IFT43: variants seen among roughly 807,000 people sequenced by gnomAD.
IFT43 encodes intraflagellar transport protein 43 homolog.
In IFT43, 33 loss-of-function variants were observed where a neutral mutation model predicts 32.3. The ratio of observed to expected loss-of-function variants is 1.02; its 90% confidence interval spans 0.77 to 1.37. The LOEUF is 1.37. Ranked by LOEUF, IFT43 falls within the 40% of genes most tolerant of loss-of-function variation. The probability of loss-of-function intolerance (pLI) is 0.00; values close to 1 mark genes in which losing one functional copy is unlikely to be tolerated. For synonymous variants in IFT43, 93 were observed against 98.2 expected (o/e 0.95, Z 0.31); for missense variants, 274 against 265.9 (o/e 1.03, Z -0.21).
intron 3 of IFT43, among the ~76,000 whole-genome samples, chr14:76,047,111 C>G (rs2036821449): frequency 6.6e-6 from 1 of 152,222 alleles, no homozygotes; most frequent in African/African-American, 2.4e-5. Context: ...ATGGCCTTGT[C>G]ACCTCCTGAA....
At chr14:76,033,068 G>A (rs2036536356) in intron 3 of IFT43, among the ~76,000 whole-genome samples, 1 of 152,178 alleles carries the variant, frequency 6.6e-6, no homozygotes, top group Non-Finnish European at 1.5e-5. Flanking sequence ...TACAAAAGTA[G>A]GAGAAGACAA....
At chr14:76,083,377 G>T (rs1379641300) in intron 8 of IFT43, 81 bp from the exon 9 acceptor site, 4 of 1,613,144 alleles carry the variant, frequency 2.5e-6, no homozygotes, top group African/African-American at 2.7e-5. Flanking sequence ...CCTCCCTGAG[G>T]CCTGGATGGG....
Position 76,011,010 on chromosome 14 carries a change from T to G in IFT43, c.148-11317T>G, listed in dbSNP as rs142618285. Among the ~76,000 whole-genome samples, 1,452 of 152,010 alleles carry G rather than the reference T, an allele frequency of 9.6e-3. 9 individuals carry two copies. The highest frequency in any genetic ancestry group is 0.016 in the Non-Finnish European group (1,099 of 67,990). On this transcript the variant is annotated intron_variant, in intron 2 of 8. Coordinates refer to ENST00000314067, the MANE Select transcript of IFT43 (RefSeq NM_001102564.3). The stretch of plus-strand genomic sequence containing the variant: ...CTCAACCTCATGGGCTCAAGTGATC[T>G]TCTCACCTTAGCCTCCTGAGTAGCT...
intron 2 of IFT43, among the ~76,000 whole-genome samples, chr14:76,003,287 G>A (rs1483597393): frequency 1.3e-5 from 2 of 151,732 alleles, no homozygotes; most frequent in Non-Finnish European, 2.9e-5. Context: ...GATTACTCTA[G>A]GATTTAAAAT....
chr14:76,004,056 G>A (rs536402228), intron 2 of IFT43, among the ~76,000 whole-genome samples: 1 of 152,248 alleles, frequency 6.6e-6, no homozygotes, highest in Admixed American at 6.5e-5. Flanking sequence ...GATTACAGGC[G>A]TGAACCACCA....
At chr14:76,008,290 C>T (rs1377704271) in intron 2 of IFT43, among the ~76,000 whole-genome samples, 1 of 152,238 alleles carries the variant, frequency 6.6e-6, no homozygotes, top group Non-Finnish European at 1.5e-5. Context: ...GGCCCTGTAA[C>T]ACCTGGCCAC....
At chr14:76,054,164 G>A (rs1197282392) in intron 3 of IFT43, among the ~76,000 whole-genome samples, 1 of 152,190 alleles carries the variant, frequency 6.6e-6, no homozygotes, top group African/African-American at 2.4e-5. Flanking sequence ...TACTACCTCA[G>A]GGAGATTAGG....
chr14:75,989,973 C>T (rs763238562), intron 2 of IFT43, among the ~76,000 whole-genome samples: 18 of 152,248 alleles, frequency 1.2e-4, no homozygotes, highest in South Asian at 1.0e-3. Context: ...TGGCCTTGTC[C>T]ATTTATCTTT....
chr14:76,073,455 T>C (rs2037356420), intron 5 of IFT43, among the ~76,000 whole-genome samples: 1 of 152,160 alleles, frequency 6.6e-6, no homozygotes, highest in Non-Finnish European at 1.5e-5. Context: ...AGGGCAGAAA[T>C]CTGGGGAAGA....
rs763811723 is a variant in IFT43 at position 76,082,604 on chromosome 14, C to G, written c.369-13C>G. ...GCCTGGGGTTCCCGCCTCTCGCTCTCTCTTTCCTTCAGCATCCAGATAAAG... is the reference window on the plus strand; with the variant it reads ...GCCTGGGGTTCCCGCCTCTCGCTCTGTCTTTCCTTCAGCATCCAGATAAAG... On this transcript the variant is annotated splice_polypyrimidine_tract_variant and intron_variant, in intron 6 of 8. Transcript: ENST00000314067. The G allele has an allele frequency of 1.9e-6, 3 of 1,614,210 alleles. No homozygotes were observed. The highest frequency in any genetic ancestry group is 1.6e-4 in the Middle Eastern group (1 of 6,062).
At chr14:76,044,627 A>C (rs1234688890) in intron 3 of IFT43, among the ~76,000 whole-genome samples, 1 of 152,198 alleles carries the variant, frequency 6.6e-6, no homozygotes. Flanking sequence ...CCCTGGTACC[A>C]GCCTCCATCC....
chr14:76,008,881 C>T (rs1026899905), intron 2 of IFT43, among the ~76,000 whole-genome samples: 4 of 152,220 alleles, frequency 2.6e-5, no homozygotes, highest in African/African-American at 7.2e-5. Context: ...GCCCTTAACG[C>T]TTCCCTCAAT....
At chr14:76,070,744 C>T (rs1248295548) in intron 5 of IFT43, among the ~76,000 whole-genome samples, 1 of 151,946 alleles carries the variant, frequency 6.6e-6, no homozygotes. Flanking sequence ...GAGTGAGTTC[C>T]GGTTGTTTAA....
At chr14:75,992,413 CT>C (rs1207367519) in intron 2 of IFT43, among the ~76,000 whole-genome samples, 1 of 152,186 alleles carries the variant, frequency 6.6e-6, no homozygotes, top group African/African-American at 2.4e-5. Context: ...CAGCACTTTG[CT>C]GCTTTTATTA....
At chr14:76,025,041 CATTTCATTCCTTAATCT>C in intron 3 of IFT43, among the ~76,000 whole-genome samples, 1 of 152,284 alleles carries the variant, frequency 6.6e-6, no homozygotes, top group South Asian at 2.1e-4. Context: ...GATTACAAAT[CATTTCATTCCTTAATCT>C]CTTGCACCAA....
intron 3 of IFT43, among the ~76,000 whole-genome samples, chr14:76,033,158 C>T (rs1349953105): frequency 6.6e-6 from 1 of 152,056 alleles, no homozygotes; most frequent in Non-Finnish European, 1.5e-5. Flanking sequence ...CATTGGAGCC[C>T]CAGCCAGATT....
intron 5 of IFT43, among the ~76,000 whole-genome samples, chr14:76,080,379 G>T (rs2037487525): frequency 2.0e-5 from 3 of 152,218 alleles, no homozygotes; most frequent in South Asian, 4.1e-4. Context: ...GGAGGAGGGG[G>T]TTGGGGACGA....
intron 3 of IFT43, among the ~76,000 whole-genome samples, chr14:76,038,874 G>T (rs2036653933): frequency 6.6e-6 from 1 of 152,094 alleles, no homozygotes; most frequent in African/African-American, 2.4e-5. Context: ...GGGTCATGGT[G>T]GAACAGCTCA....
At chr14:76,058,610 C>CA in intron 3 of IFT43, 32 bp from the exon 4 acceptor site, 1 of 1,604,220 alleles carries the variant, frequency 6.2e-7, no homozygotes, top group Non-Finnish European at 8.5e-7. Flanking sequence ...AGTGGGCTCT[C>CA]AAAAACCTTG....
Sources: allele counts gnomAD v4.1 joint callset (sites outside exome capture counted in the v4.1 genomes callset), GRCh38; gene constraint gnomAD v4.1.1; transcripts MANE v1.5; gene names NCBI Gene and HGNC (gene_info 2026-07-23, HGNC 2026-07-21).